FANCI: variants seen among roughly 807,000 people sequenced by gnomAD.
FANCI encodes FA complementation group I, also known as Fanconi anemia group I protein.
FANCI carries 156 observed loss-of-function variants against 176.1 expected under a neutral mutation model. The ratio of observed to expected loss-of-function variants is 0.89; its 90% CI spans 0.78 to 1.01. The LOEUF (loss-of-function observed/expected upper bound fraction) is 1.01, where lower values mean the gene tolerates loss of function less well. Among genes scored for constraint, FANCI ranks in the 50% least tolerant of loss-of-function variants. The pLI is 0.00. For synonymous variants in FANCI, 613 were observed against 541.7 expected, an observed-to-expected ratio of 1.13 and a Z score of -1.83; for missense variants, 1,678 against 1,534.1, an observed-to-expected ratio of 1.09 and a Z score of -1.57.
intron 10 of FANCI, among the ~76,000 whole-genome samples, chr15:89,271,402 T>C (rs2053196009): frequency 6.6e-6 from 1 of 152,244 alleles, no homozygotes; most frequent in Admixed American, 6.5e-5. Flanking sequence ...TGGAATTATA[T>C]GATATGTGGT....
At position 89,303,861 on chromosome 15, in the gene FANCI, T is replaced by G. The variant is rs1198770914; in HGVS notation, c.3007-3T>G. On this transcript the variant is annotated splice_region_variant and splice_polypyrimidine_tract_variant and intron_variant, in intron 27 of 37. Transcript: ENST00000310775. ...TTTAATATCTGAATGATCTCTAATT[T>G]AGTTTGTGCAGATGTTATCCTGGAC... 1.2e-6 allele frequency: 2 copies of G among 1,613,330 alleles called. No individual in the cohort carries two copies. The highest frequency in any genetic ancestry group is 1.7e-6 in the Non-Finnish European group (2 of 1,179,366).
chr15:89,306,927 G>A (rs1252866211), intron 32 of FANCI, among the ~76,000 whole-genome samples: 2 of 152,074 alleles, frequency 1.3e-5, no homozygotes. Flanking sequence ...TAACATGTAG[G>A]TGTTAAATGC....
Position 89,281,057 on chromosome 15 carries a change from T to A in FANCI, c.1382-113T>A, listed in dbSNP as rs1381648878. On this transcript the variant is annotated intron_variant, in intron 14 of 37. Coordinates refer to ENST00000310775, the MANE Select transcript of FANCI (RefSeq NM_001113378.2). ...GTAGAAATTTGTATTGCAGTATACTTGACTTATTTGAGAAAGGAAACAAAA... is the reference window on the plus strand; with the variant it reads ...GTAGAAATTTGTATTGCAGTATACTAGACTTATTTGAGAAAGGAAACAAAA... The A allele has an allele frequency of 4.6e-6, 5 of 1,079,532 alleles. No homozygotes were observed. In the Admixed American group the frequency reaches 5.5e-5, roughly 12 times the overall value. The allele number at this position is 1,079,532 out of a possible 1,614,324, so 66.9% of individuals were successfully genotyped here. A position where few individuals can be genotyped will look rare whatever the true frequency, so the allele number is the denominator to read the frequency against.
chr15:89,296,196 C>T (rs867993772), intron 24 of FANCI, among the ~76,000 whole-genome samples: 2 of 151,992 alleles, frequency 1.3e-5, no homozygotes, highest in South Asian at 4.1e-4. Flanking sequence ...AACTCCTGAC[C>T]TCAGGTGATC....
rs548409550 is a variant in FANCI at position 89,293,934 on chromosome 15, A to G, written c.2393A>G (p.Asn798Ser). ...KAGKAKTKMA[N>S]KTSDSLLSMK... ...GGTAAAGCCAAAACTAAAATGGCCA[A>G]CAAGACAAGTGATAGTCTTTTGTCC... Residue 798 changes from asparagine (N) to serine (S), a missense_variant, in exon 23 of 38, where the codon AAC becomes AGC. Asn to Ser is a conservative substitution (Grantham distance 46). Coordinates refer to ENST00000310775, the MANE Select transcript of FANCI (RefSeq NM_001113378.2). 1.9e-5 allele frequency: 30 copies of G among 1,614,200 alleles called. No individual in the cohort carries two copies. In the Admixed American group the frequency reaches 4.0e-4, roughly 22 times the overall value.
At chr15:89,268,650 T>A in intron 10 of FANCI, 125 bp downstream of exon 10, 1 of 1,164,354 alleles carries the variant, frequency 8.6e-7, no homozygotes, top group Non-Finnish European at 1.2e-6. Context: ...GTGGAGGATC[T>A]CTTTTTTTTT....
intron 9 of FANCI, among the ~76,000 whole-genome samples, chr15:89,267,326 A>G (rs28434304): frequency 6.7e-6 from 1 of 149,018 alleles, no homozygotes; most frequent in South Asian, 2.1e-4. Context: ...GTCTCAAAAA[A>G]AAAAAATTTT....
In FANCI at chr15:89,260,716, C is replaced by A; in HGVS notation, c.161C>A (p.Ser54Tyr). 1 of 1,612,580 alleles carries A rather than the reference C, an allele frequency of 6.2e-7. No homozygotes were observed. Among genetic ancestry groups the A allele is most frequent in the South Asian group, 1.1e-5 (1 of 91,030 alleles). Residue 54 changes from serine to tyrosine, a missense_variant, in exon 4 of 38, where the codon TCC (serine) becomes TAC (tyrosine). By Grantham distance (144) the Ser-to-Tyr change is moderately radical. Transcript: ENST00000310775. ...GALLRAIFKG[S>Y]PCSEEAGTLR... Reference sequence around the variant, plus strand: ...ACCCCCTGTTTAAAACAATAAGGTTCCCCCTGCTCTGAGGAAGCTGGAACA... The same window carrying A: ...ACCCCCTGTTTAAAACAATAAGGTTACCCCTGCTCTGAGGAAGCTGGAACA...
At chr15:89,315,419 CCA>C (rs1484563473) in intron 37 of FANCI, 30 bp downstream of exon 37, 9 of 1,462,128 alleles carry the variant, frequency 6.2e-6, no homozygotes, top group Non-Finnish European at 7.7e-6. Flanking sequence ...TGGAGCCCAG[CCA>C]CTCTTCCTAG....
intron 12 of FANCI, among the ~76,000 whole-genome samples, chr15:89,275,115 G>T (rs1226532625): frequency 1.6e-5 from 2 of 126,724 alleles, no homozygotes; most frequent in Admixed American, 8.7e-5. Flanking sequence ...TGAAGACGTA[G>T]GAACTTTTCA....
intron 14 of FANCI, among the ~76,000 whole-genome samples, chr15:89,280,436 A>G (rs1010452543): frequency 6.6e-6 from 1 of 152,148 alleles, no homozygotes; most frequent in Non-Finnish European, 1.5e-5. Context: ...AGCATCATTG[A>G]TTTCCCTACC....
At chr15:89,256,929 T>G (rs138663147) in intron 2 of FANCI, among the ~76,000 whole-genome samples, 1 of 152,136 alleles carries the variant, frequency 6.6e-6, no homozygotes, top group Non-Finnish European at 1.5e-5. Context: ...TTTTTTGATA[T>G]GGAGTCTCGC....
intron 10 of FANCI, among the ~76,000 whole-genome samples, chr15:89,271,096 A>G (rs1343593813): frequency 6.6e-6 from 1 of 151,146 alleles, no homozygotes; most frequent in Admixed American, 6.6e-5. Flanking sequence ...TTTATTTTAC[A>G]TTTTTTTTGT....
At chr15:89,277,747 T>G (rs1356094631) in intron 13 of FANCI, among the ~76,000 whole-genome samples, 1 of 152,204 alleles carries the variant, frequency 6.6e-6, no homozygotes, top group Non-Finnish European at 1.5e-5. Flanking sequence ...TGAAACAGTT[T>G]TCAAAAATTT....
intron 12 of FANCI, among the ~76,000 whole-genome samples, chr15:89,274,722 A>C (rs2053341738): frequency 6.8e-6 from 1 of 147,262 alleles, no homozygotes; most frequent in Non-Finnish European, 1.5e-5. Flanking sequence ...CTCCCACCTG[A>C]ACCTCTCGAG....
intron 24 of FANCI, among the ~76,000 whole-genome samples, chr15:89,297,576 C>A (rs924286147): frequency 6.6e-6 from 1 of 152,184 alleles, no homozygotes; most frequent in East Asian, 1.9e-4. Context: ...CCGGCCAACA[C>A]AGCGAAACCC....
intron 12 of FANCI, among the ~76,000 whole-genome samples, chr15:89,276,505 T>C (rs1384345792): frequency 5.3e-5 from 8 of 152,240 alleles, no homozygotes; most frequent in Non-Finnish European, 1.2e-4. Flanking sequence ...CTGTGTGTCA[T>C]TGGAGACCAC....
In FANCI at chr15:89,292,961, C is replaced by G; in HGVS notation, c.2189C>G (p.Ser730Cys). 1 of 1,614,066 alleles carries G rather than the reference C, an allele frequency of 6.2e-7. No homozygotes were observed. Among genetic ancestry groups the G allele is most frequent in the Non-Finnish European group, 8.5e-7 (1 of 1,180,002 alleles). ...TTTTAGGATAAATCAGCAGATTTTT[C>G]TCAGAGCACCAGTATTGGCATAAAA... ...DFELDKSADF[S>C]QSTSIGIKNN... Residue 730 changes from serine to cysteine, a missense_variant, in exon 22 of 38, where the codon TCT becomes TGT. Physicochemically the swap from Ser to Cys is moderately radical, Grantham distance 112. Around this residue, in one of 3 missense-constraint regions of FANCI, gnomAD observed 1,204 missense variants for 1,077.4 expected, o/e 1.12. Coordinates refer to ENST00000310775, the MANE Select transcript of FANCI (RefSeq NM_001113378.2).
chr15:89,313,973 T>TCACACACACACACACA (rs139859584), intron 35 of FANCI, among the ~76,000 whole-genome samples: 14 of 98,354 alleles, frequency 1.4e-4, no homozygotes, highest in African/African-American at 5.1e-4. Flanking sequence ...AGATATATAA[T>TCACACACACACACACA]CACACACACA....
Sources: allele counts gnomAD v4.1 joint callset (sites outside exome capture counted in the v4.1 genomes callset), GRCh38; gene constraint gnomAD v4.1.1; regional missense constraint gnomAD v4.1.1; transcripts MANE v1.5; gene names NCBI Gene and HGNC (gene_info 2026-07-23, HGNC 2026-07-21).